The following PTPRD variants were observed in gnomAD, a reference collection of about 807,000 sequenced individuals.
PTPRD encodes protein tyrosine phosphatase receptor type D, also known as receptor-type tyrosine-protein phosphatase delta.
A neutral mutation model predicts 214.5 loss-of-function variants in PTPRD; 34 were observed. That is an observed-to-expected ratio of 0.16 (90% CI 0.12 to 0.21). PTPRD has a LOEUF of 0.21. Among genes scored for constraint, PTPRD ranks in the 10% least tolerant of loss-of-function variants. The probability of loss-of-function intolerance (pLI) is 1.00; values close to 1 mark genes in which losing one functional copy is unlikely to be tolerated. For missense variants in PTPRD, 2,545 were observed against 2,398.7 expected (o/e 1.06, Z -1.27); for synonymous variants, 1,128 against 845.7 (o/e 1.33, Z -5.79).
At chr9:10,080,263 G>A (rs2098213792) in intron 3 of PTPRD, among the ~76,000 whole-genome samples, 1 of 152,094 alleles carries the variant, frequency 6.6e-6, no homozygotes, top group African/African-American at 2.4e-5. Context: ...AGGAAAATCA[G>A]ACAGGAGCAG....
intron 10 of PTPRD, among the ~76,000 whole-genome samples, chr9:9,061,036 C>G (rs1361616810): frequency 6.6e-6 from 1 of 152,134 alleles, no homozygotes; most frequent in Non-Finnish European, 1.5e-5. Flanking sequence ...CTATACATTT[C>G]AAAAGCAAGC....
intron 8 of PTPRD, among the ~76,000 whole-genome samples, chr9:9,506,933 G>A (rs144411870): frequency 4.6e-5 from 7 of 151,456 alleles, no homozygotes; most frequent in Non-Finnish European, 1.0e-4. Flanking sequence ...AGAAAATTAA[G>A]TAACCCAGTA....
chr9:9,222,218 G>A (rs556759241), intron 9 of PTPRD, among the ~76,000 whole-genome samples: 4 of 152,000 alleles, frequency 2.6e-5, no homozygotes, highest in African/African-American at 9.6e-5. Context: ...GCCTGTGATA[G>A]ACCACTAGAT....
intron 8 of PTPRD, among the ~76,000 whole-genome samples, chr9:9,418,295 T>C (rs760061549): frequency 1.3e-5 from 2 of 152,070 alleles, no homozygotes; most frequent in African/African-American, 2.4e-5. Context: ...TCCTGATGGT[T>C]ATTCATAGTT....
intron 7 of PTPRD, among the ~76,000 whole-genome samples, chr9:9,649,483 A>G (rs1396308464): frequency 1.3e-5 from 2 of 152,234 alleles, no homozygotes; most frequent in African/African-American, 4.8e-5. Context: ...GCATGATCTT[A>G]AAATGAGAAA....
At chr9:8,623,169 A>T (rs1380921270) in intron 14 of PTPRD, among the ~76,000 whole-genome samples, 2 of 151,798 alleles carry the variant, frequency 1.3e-5, no homozygotes, top group East Asian at 1.9e-4. Flanking sequence ...CAAAAAACAC[A>T]AATGTTTATG....
intron 14 of PTPRD, among the ~76,000 whole-genome samples, chr9:8,572,173 T>C (rs1325955411): frequency 6.6e-6 from 1 of 152,128 alleles, no homozygotes; most frequent in Non-Finnish European, 1.5e-5. Context: ...CTGGACTGAA[T>C]GTTTGAGTTT....
At chr9:9,645,236 G>T (rs973260859) in intron 7 of PTPRD, among the ~76,000 whole-genome samples, 1 of 152,112 alleles carries the variant, frequency 6.6e-6, no homozygotes. Context: ...GTGGGCCCTT[G>T]GGTGAGTTAC....
chr9:10,328,877 T>C (rs896460427), intron 3 of PTPRD, among the ~76,000 whole-genome samples: 1 of 151,810 alleles, frequency 6.6e-6, no homozygotes, highest in African/African-American at 2.4e-5. Context: ...ATGGAAGATC[T>C]CTGACTAGCC....
At position 9,888,772 on chromosome 9, in the gene PTPRD, G is replaced by T. The variant is rs974117240; in HGVS notation, c.-368+49735C>A. Reference sequence around the variant, plus strand: ...CTTTGTAAATTGCCCAGCCTCAAGTGTTCCTTTATAGCAACACAAATGGAC... The same window carrying T: ...CTTTGTAAATTGCCCAGCCTCAAGTTTTCCTTTATAGCAACACAAATGGAC... On this transcript the variant is annotated intron_variant, in intron 5 of 45. Coordinates refer to ENST00000381196, the MANE Select transcript of PTPRD (RefSeq NM_002839.4). Among the ~76,000 whole-genome samples, 6 of 152,044 alleles carry T rather than the reference G, an allele frequency of 3.9e-5. 1 individual carries two copies. Among genetic ancestry groups the T allele is most frequent in the Non-Finnish European group, 8.8e-5 (6 of 68,008 alleles).
At chr9:8,544,712 C>T (rs1182607612) in intron 14 of PTPRD, among the ~76,000 whole-genome samples, 5 of 151,166 alleles carry the variant, frequency 3.3e-5, no homozygotes, top group African/African-American at 1.2e-4. Flanking sequence ...CTTCAGTGAC[C>T]CACCATTGTC....
chr9:10,469,643 C>A (rs1440448788), intron 2 of PTPRD, among the ~76,000 whole-genome samples: 2 of 152,056 alleles, frequency 1.3e-5, no homozygotes, highest in Non-Finnish European at 2.9e-5. Flanking sequence ...TATGACCAAG[C>A]CATTCTACTG....
intron 2 of PTPRD, among the ~76,000 whole-genome samples, chr9:10,467,899 A>G (rs1304579998): frequency 2.6e-5 from 4 of 152,204 alleles, no homozygotes; most frequent in Non-Finnish European, 5.9e-5. Context: ...TATGAAAAAA[A>G]AATCTCATCA....
At chr9:9,832,624 C>T (rs183842876) in intron 5 of PTPRD, among the ~76,000 whole-genome samples, 67 of 151,850 alleles carry the variant, frequency 4.4e-4, no homozygotes, top group Non-Finnish European at 8.2e-4. Context: ...AATTATGAAA[C>T]ATAAGAGAGA....
intron 39 of PTPRD, among the ~76,000 whole-genome samples, chr9:8,370,157 A>T (rs1443371219): frequency 1.3e-5 from 2 of 151,992 alleles, no homozygotes; most frequent in Non-Finnish European, 2.9e-5. Context: ...TTTATAAATA[A>T]GATAAAAACA....
At chr9:9,935,974 G>A (rs1250499957) in intron 5 of PTPRD, among the ~76,000 whole-genome samples, 7 of 149,972 alleles carry the variant, frequency 4.7e-5, no homozygotes, top group Admixed American at 1.3e-4. Context: ...ACAAGCAATG[G>A]GGAAAGGATT....
At chr9:10,080,286 T>G (rs146497429) in intron 3 of PTPRD, among the ~76,000 whole-genome samples, 56 of 152,162 alleles carry the variant, frequency 3.7e-4, no homozygotes, top group African/African-American at 1.3e-3. Context: ...AAACCCAAAA[T>G]AGAAATAGAA....
At chr9:10,544,548 G>A (rs1341971830) in intron 2 of PTPRD, among the ~76,000 whole-genome samples, 2 of 152,118 alleles carry the variant, frequency 1.3e-5, no homozygotes, top group East Asian at 3.9e-4. Flanking sequence ...ATCTATCCTA[G>A]ATCTGAAGAA....
chr9:8,460,740 G>C (rs1304612706), intron 32 of PTPRD, among the ~76,000 whole-genome samples, 169 bp from the exon 33 acceptor site: 1 of 151,992 alleles, frequency 6.6e-6, no homozygotes, highest in Non-Finnish European at 1.5e-5. Flanking sequence ...GAAAAGAAAG[G>C]ATGGAAGATG....
Sources: gnomAD v4.1 joint callset for allele counts (sites outside exome capture counted in the v4.1 genomes callset) on GRCh38, gnomAD v4.1.1 for gene constraint, MANE v1.5 for transcripts, NCBI Gene and HGNC (gene_info 2026-07-23, HGNC 2026-07-21) for gene names.